Variants in RASGRF2 observed in about 807,000 individuals in gnomAD.
The protein encoded by RASGRF2 is Ras protein specific guanine nucleotide releasing factor 2.
Under a neutral mutation model 151.0 loss-of-function variants are expected in RASGRF2, and 76 were observed. The ratio of observed to expected loss-of-function variants is 0.50; its 90% CI spans 0.42 to 0.61. The LOEUF (loss-of-function observed/expected upper bound fraction) is 0.61. RASGRF2 is among the 20% of genes least tolerant of loss of function. The pLI, the probability that RASGRF2 is intolerant of heterozygous loss-of-function variation, is 0.00. For synonymous variants in RASGRF2, 504 were observed against 566.5 expected (o/e 0.89, Z 1.57); for missense variants, 1,148 against 1,564.6 (o/e 0.73, Z 4.49).
chr5:81,029,320 G>A (rs379289), intron 1 of RASGRF2, among the ~76,000 whole-genome samples: 2 of 152,086 alleles, frequency 1.3e-5, no homozygotes, highest in South Asian at 2.1e-4. Flanking sequence ...CAGCACACAG[G>A]TTGAGATCTG....
intron 18 of RASGRF2, among the ~76,000 whole-genome samples, chr5:81,200,731 C>T (rs941216667): frequency 3.9e-5 from 6 of 152,172 alleles, no homozygotes; most frequent in African/African-American, 1.2e-4. Flanking sequence ...CCGTGAGTTA[C>T]GTGTGCCGTG....
At chr5:81,005,493 CG>C (rs555901005) in intron 1 of RASGRF2, among the ~76,000 whole-genome samples, 1 of 152,146 alleles carries the variant, frequency 6.6e-6, no homozygotes, top group Admixed American at 6.5e-5. Context: ...ATTCAAGATA[CG>C]ATTTGGGTGG....
chr5:81,218,050 A>G (rs904466552), intron 25 of RASGRF2, among the ~76,000 whole-genome samples: 1 of 151,926 alleles, frequency 6.6e-6, no homozygotes, highest in Non-Finnish European at 1.5e-5. Flanking sequence ...CGACCAGCTA[A>G]TTTTTATATC....
intron 1 of RASGRF2, among the ~76,000 whole-genome samples, chr5:80,996,506 T>TCCTCCTCCC (rs1748873066): frequency 1.4e-4 from 6 of 41,626 alleles, no homozygotes; most frequent in Non-Finnish European, 2.2e-4. Flanking sequence ...TTCTTCTTCC[T>TCCTCCTCCC]CCTCCTCCTC....
rs570250575 is a variant in RASGRF2 at position 81,029,634 on chromosome 5, A to T, written c.289-13243A>T. Among the ~76,000 whole-genome samples, 14 of 152,376 alleles carry T rather than the reference A, an allele frequency of 9.2e-5. No homozygotes were observed. The East Asian group carries it at 2.7e-3, about 29-fold the overall frequency. On this transcript the variant is annotated intron_variant, in intron 1 of 26. Transcript: ENST00000265080. ...ACAAACAGAAAGGACACCCACACCA[A>T]AACCCCATCTGCACGTCACCATCAT...
intron 26 of RASGRF2, chr5:81,223,452 G>A (rs55920798): frequency 6.6e-6 from 1 of 151,664 alleles, no homozygotes; most frequent in Non-Finnish European, 1.5e-5. Context: ...CCATCCTGGC[G>A]AACACGGTGA....
intron 1 of RASGRF2, among the ~76,000 whole-genome samples, chr5:80,992,117 G>T (rs575920733): frequency 3.1e-4 from 17 of 55,058 alleles, no homozygotes; most frequent in Non-Finnish European, 5.9e-4. Flanking sequence ...AAGGCCCAGT[G>T]CCCCAGCTGA....
At chr5:81,077,105 TA>T (rs748418723) in intron 5 of RASGRF2, among the ~76,000 whole-genome samples, 22 of 152,206 alleles carry the variant, frequency 1.4e-4, no homozygotes, top group Non-Finnish European at 2.8e-4. Flanking sequence ...TTTTTGCCAA[TA>T]AAAAGGTGGT....
chr5:81,183,059 G>A (rs1456776682), intron 18 of RASGRF2: 6 of 507,772 alleles, frequency 1.2e-5, no homozygotes, highest in Non-Finnish European at 1.5e-5. Flanking sequence ...TAGCATTATT[G>A]TGGCAACCTG....
chr5:81,044,544 C>T (rs922968035), intron 2 of RASGRF2, among the ~76,000 whole-genome samples: 1 of 152,236 alleles, frequency 6.6e-6, no homozygotes, highest in Non-Finnish European at 1.5e-5. Context: ...TCCCTACCCT[C>T]TTCAGCTACT....
chr5:81,027,248 A>T (rs945247842), intron 1 of RASGRF2, among the ~76,000 whole-genome samples: 13 of 152,206 alleles, frequency 8.5e-5, no homozygotes, highest in African/African-American at 3.1e-4. Context: ...TTAGTTAATA[A>T]TTATGCATCA....
At chr5:81,125,542 CTTGGCAACTTCCT>C (rs1399477373) in intron 16 of RASGRF2, among the ~76,000 whole-genome samples, 2 of 152,198 alleles carry the variant, frequency 1.3e-5, no homozygotes, top group African/African-American at 2.4e-5. Flanking sequence ...CAGTCCAGGT[CTTGGCAACTTCCT>C]TGACCATTGC....
intron 17 of RASGRF2, among the ~76,000 whole-genome samples, chr5:81,134,138 G>A (rs2112586227): frequency 6.6e-6 from 1 of 150,798 alleles, no homozygotes; most frequent in Admixed American, 6.6e-5. Flanking sequence ...GGTAATGTCA[G>A]TTAAGGGTAA....
intron 16 of RASGRF2, among the ~76,000 whole-genome samples, chr5:81,126,352 C>A (rs1753452764): frequency 6.6e-6 from 1 of 152,110 alleles, no homozygotes; most frequent in Non-Finnish European, 1.5e-5. Flanking sequence ...GATATGGTAT[C>A]TTTTTTAAGA....
At chr5:81,050,716 G>C (rs533264179) in intron 2 of RASGRF2, among the ~76,000 whole-genome samples, 94 of 152,280 alleles carry the variant, frequency 6.2e-4, no homozygotes, top group African/African-American at 2.1e-3. Context: ...AGCAGGAAGG[G>C]CTGACCATTC....
At chr5:80,981,713 G>T (rs1446751369) in intron 1 of RASGRF2, among the ~76,000 whole-genome samples, 1 of 152,014 alleles carries the variant, frequency 6.6e-6, no homozygotes, top group East Asian at 1.9e-4. Flanking sequence ...TTACAGGCCT[G>T]CACCATCACA....
At position 81,085,811 on chromosome 5, in the gene RASGRF2, T is replaced by C; in HGVS notation, c.1171T>C (p.Tyr391His). The C allele has an allele frequency of 3.1e-6, 5 of 1,614,096 alleles. No individual in the cohort carries two copies. The highest frequency in any genetic ancestry group is 2.5e-6 in the Non-Finnish European group (3 of 1,180,000). The change falls in exon 8 of 27, where the codon TAT (tyrosine) becomes CAT (histidine). Residue 391 changes from tyrosine (Y) to histidine (H), a missense_variant. Physicochemically the swap from Tyr to His is moderately conservative, Grantham distance 83 (BLOSUM62 2). Around this residue, in one of 5 missense-constraint regions of RASGRF2, gnomAD observed 176 missense variants for 309.6 expected, o/e 0.57. Transcript: ENST00000265080. ...LTYPMFQIPR[Y>H]IITLHELLAH... Reference sequence around the variant, plus strand: ...CTCTGTTTGCATCTAGATCCCCAGATATATCATCACACTCCATGAGCTCCT... The same window carrying C: ...CTCTGTTTGCATCTAGATCCCCAGACATATCATCACACTCCATGAGCTCCT...
intron 2 of RASGRF2, among the ~76,000 whole-genome samples, chr5:81,065,316 A>G (rs761424459): frequency 6.6e-6 from 1 of 152,206 alleles, no homozygotes; most frequent in African/African-American, 2.4e-5. Flanking sequence ...CTGTTTTTAC[A>G]GAATAGAAAA....
At chr5:81,196,275 C>CA (rs562070907) in intron 18 of RASGRF2, among the ~76,000 whole-genome samples, 12 of 152,196 alleles carry the variant, frequency 7.9e-5, no homozygotes, top group African/African-American at 2.4e-4. Context: ...CAAATAACAA[C>CA]AAAAAATTAT....
Sources: allele counts gnomAD v4.1 joint callset (sites outside exome capture counted in the v4.1 genomes callset), GRCh38; gene constraint gnomAD v4.1.1; regional missense constraint gnomAD v4.1.1; transcripts MANE v1.5; gene names NCBI Gene and HGNC (gene_info 2026-07-23, HGNC 2026-07-21).